The following CTNNA3 variants were observed in gnomAD, a reference collection of about 807,000 sequenced individuals.
CTNNA3 encodes catenin alpha 3, also known as catenin alpha-3.
In CTNNA3, 76 loss-of-function variants were observed where a neutral mutation model predicts 95.7. The observed-to-expected ratio is 0.79, with a 90% CI of 0.66 to 0.96. The LOEUF is 0.96. Ranked by LOEUF, CTNNA3 falls within the 40% of genes least tolerant of loss-of-function variation. The probability of loss-of-function intolerance (pLI) is 0.00; values close to 1 mark genes in which losing one functional copy is unlikely to be tolerated. For synonymous variants in CTNNA3, 431 were observed against 374.4 expected (o/e 1.15, Z -1.74); for missense variants, 1,191 against 1,089.8 (o/e 1.09, Z -1.31).
rs116575501 is a variant in CTNNA3 at position 66,405,375 on chromosome 10, G to A, written c.1532-26023C>T. On this transcript the variant is annotated intron_variant, in intron 11 of 17. Coordinates refer to ENST00000433211, the MANE Select transcript of CTNNA3 (RefSeq NM_013266.4). The stretch of plus-strand genomic sequence containing the variant: ...AATTTATTTATTAACAATAAATTGC[G>A]TTAATATTCCAACTAATAAATTATT... 5.1e-3 allele frequency among the ~76,000 whole-genome samples: 781 copies of A among 152,168 alleles called. 5 individuals carry two copies. Among genetic ancestry groups the A allele is most frequent in the African/African-American group, 0.018 (746 of 41,534 alleles).
chr10:66,963,368 A>G (rs1849228633), intron 7 of CTNNA3, among the ~76,000 whole-genome samples: 1 of 152,186 alleles, frequency 6.6e-6, no homozygotes, highest in African/African-American at 2.4e-5. Context: ...TGTAGTATGG[A>G]AAATGTGATT....
chr10:65,977,365 T>A (rs907502692), intron 16 of CTNNA3, among the ~76,000 whole-genome samples: 12 of 152,126 alleles, frequency 7.9e-5, no homozygotes, highest in African/African-American at 2.4e-4. Flanking sequence ...GTAAAAAAAA[T>A]TCATTACGTT....
intron 13 of CTNNA3, among the ~76,000 whole-genome samples, chr10:66,255,034 C>T (rs926277843): frequency 2.6e-5 from 4 of 152,160 alleles, no homozygotes; most frequent in African/African-American, 7.2e-5. Context: ...CACTGTAAAC[C>T]GTGCCTTGGA....
Position 65,920,428 on chromosome 10 carries a change from G to T in CTNNA3, c.2590C>A (p.Pro864Thr). 1 of 1,614,038 alleles carries T rather than the reference G, an allele frequency of 6.2e-7. No homozygotes were observed. The highest frequency in any genetic ancestry group is 8.5e-7 in the Non-Finnish European group (1 of 1,180,012). The change falls in exon 18 of 18, where the codon CCA becomes ACA. Residue 864 changes from proline (P) to threonine (T), a missense_variant. By Grantham distance (38) the Pro-to-Thr change is conservative (BLOSUM62 -1). Transcript: ENST00000433211. ...AKKPLIKREK[P>T]EETCAAVRRG... Reference sequence around the variant, plus strand: ...CTGACAGCTGCACACGTTTCCTCTGGCTTCTCTCTTTTAATCAAGGGTTTT... The same window carrying T: ...CTGACAGCTGCACACGTTTCCTCTGTCTTCTCTCTTTTAATCAAGGGTTTT...
chr10:67,503,624 T>G (rs2133109143), intron 5 of CTNNA3, among the ~76,000 whole-genome samples: 1 of 152,324 alleles, frequency 6.6e-6, no homozygotes, highest in East Asian at 1.9e-4. Flanking sequence ...AAGAGCTTGA[T>G]CTTAGAGTGT....
chr10:66,344,183 C>A (rs2132363962), intron 12 of CTNNA3, among the ~76,000 whole-genome samples: 1 of 148,158 alleles, frequency 6.7e-6, no homozygotes, highest in Non-Finnish European at 1.5e-5. Context: ...GCCGAGATCG[C>A]ACCATTGCAC....
In CTNNA3 at chr10:67,360,647, G is replaced by A. The variant is rs139901182; in HGVS notation, c.580-140777C>T. ...GCATAGCAGCTTCTGCTTCTGGGGA[G>A]GTCTCAGGGAGCTTCCAATCATGGT... On this transcript the variant is annotated intron_variant, in intron 5 of 17. Coordinates refer to ENST00000433211, the MANE Select transcript of CTNNA3 (RefSeq NM_013266.4). Among the ~76,000 whole-genome samples the A allele has an allele frequency of 7.9e-3, 1,202 of 152,212 alleles. 26 individuals are homozygous for A. The highest frequency in any genetic ancestry group is 0.027 in the African/African-American group (1,136 of 41,552).
At chr10:67,195,320 C>A (rs1355507242) in intron 6 of CTNNA3, among the ~76,000 whole-genome samples, 3 of 151,778 alleles carry the variant, frequency 2.0e-5, no homozygotes, top group African/African-American at 4.8e-5. Context: ...AATAGCAGGG[C>A]TCTCTTATTC....
chr10:66,326,037 C>T (rs2092249765), intron 12 of CTNNA3, among the ~76,000 whole-genome samples: 1 of 152,090 alleles, frequency 6.6e-6, no homozygotes, highest in South Asian at 2.1e-4. Context: ...TTGATGCAAA[C>T]TTTAGAGAAC....
chr10:66,140,893 G>T (rs2083581182), intron 13 of CTNNA3, among the ~76,000 whole-genome samples: 1 of 152,122 alleles, frequency 6.6e-6, no homozygotes, highest in Admixed American at 6.6e-5. Context: ...CATTGTTGTT[G>T]CTGTTGGTTG....
intron 14 of CTNNA3, among the ~76,000 whole-genome samples, chr10:66,101,221 A>G (rs1250742403): frequency 6.6e-6 from 1 of 152,190 alleles, no homozygotes; most frequent in Non-Finnish European, 1.5e-5. Context: ...CTAAATCCAG[A>G]TGCTGTGTGA....
intron 17 of CTNNA3, among the ~76,000 whole-genome samples, chr10:65,932,647 G>A (rs903734969): frequency 2.0e-5 from 3 of 152,038 alleles, no homozygotes; most frequent in Non-Finnish European, 4.4e-5. Context: ...TTGAGAAAAG[G>A]AAATATTTTG....
intron 11 of CTNNA3, among the ~76,000 whole-genome samples, chr10:66,513,930 C>T (rs1436886991): frequency 6.6e-6 from 1 of 152,064 alleles, no homozygotes; most frequent in Admixed American, 6.6e-5. Flanking sequence ...GGTAATGTAA[C>T]ACTGCAACCT....
intron 11 of CTNNA3, among the ~76,000 whole-genome samples, chr10:66,442,278 A>T (rs1051547172): frequency 6.6e-6 from 1 of 152,226 alleles, no homozygotes; most frequent in African/African-American, 2.4e-5. Flanking sequence ...ACATCCATGG[A>T]TTTTGGCATC....
chr10:66,505,048 T>C (rs972832908), intron 11 of CTNNA3, among the ~76,000 whole-genome samples: 19 of 152,172 alleles, frequency 1.2e-4, no homozygotes, highest in Admixed American at 2.0e-4. Flanking sequence ...CTTAAAGTTA[T>C]AGCAAAAATT....
intron 11 of CTNNA3, among the ~76,000 whole-genome samples, chr10:66,449,049 A>C (rs2131818146): frequency 6.6e-6 from 1 of 152,180 alleles, no homozygotes; most frequent in Admixed American, 6.5e-5. Context: ...ATTAGAAAGT[A>C]ATGAAGAAAT....
intron 3 of CTNNA3, among the ~76,000 whole-genome samples, chr10:67,543,668 G>C (rs960801501): frequency 9.2e-5 from 14 of 152,216 alleles, no homozygotes; most frequent in Middle Eastern, 3.4e-3. Context: ...ATCTGTCCAA[G>C]TGATACAAAT....
intron 9 of CTNNA3, among the ~76,000 whole-genome samples, chr10:66,715,834 AG>A (rs1320271230): frequency 2.6e-5 from 4 of 152,060 alleles, no homozygotes; most frequent in African/African-American, 9.6e-5. Context: ...GATGAGCCAA[AG>A]GATTTAAAAT....
At chr10:67,636,064 A>G (rs556032053) in intron 2 of CTNNA3, among the ~76,000 whole-genome samples, 7 of 152,300 alleles carry the variant, frequency 4.6e-5, no homozygotes, top group African/African-American at 1.7e-4. Flanking sequence ...ACTCCCAATT[A>G]TGATTGCTAC....
Sources: gnomAD v4.1 joint callset for allele counts (sites outside exome capture counted in the v4.1 genomes callset) on GRCh38, gnomAD v4.1.1 for gene constraint, MANE v1.5 for transcripts, NCBI Gene and HGNC (gene_info 2026-07-23, HGNC 2026-07-21) for gene names.